Variants in GULP1 observed in about 807,000 individuals in gnomAD.
GULP1 encodes GULP PTB domain containing engulfment adaptor 1.
GULP1 carries 19 observed loss-of-function variants against 40.9 expected under a neutral mutation model. The ratio of observed to expected loss-of-function variants is 0.46; its 90% CI spans 0.32 to 0.68. The LOEUF (loss-of-function observed/expected upper bound fraction) is 0.68, where lower values mean the gene tolerates loss of function less well. Ranked by LOEUF, GULP1 falls within the 30% of genes least tolerant of loss-of-function variation. The pLI is 0.03. For missense variants in GULP1, 312 were observed against 362.2 expected (o/e 0.86, Z 1.12); for synonymous variants, 119 against 117.6 (o/e 1.01, Z -0.08).
intron 7 of GULP1, among the ~76,000 whole-genome samples, chr2:188,561,940 A>C (rs1696407461): frequency 6.6e-6 from 1 of 151,956 alleles, no homozygotes; most frequent in Non-Finnish European, 1.5e-5. Flanking sequence ...TCCCATTCTC[A>C]GTCTCAGTGG....
intron 4 of GULP1, among the ~76,000 whole-genome samples, chr2:188,485,373 G>A (rs936023938): frequency 2.6e-5 from 4 of 151,962 alleles, no homozygotes; most frequent in African/African-American, 9.7e-5. Flanking sequence ...TGGAAGGGCA[G>A]GATGATTTTG....
intron 4 of GULP1, among the ~76,000 whole-genome samples, chr2:188,518,687 C>G (rs2065430877): frequency 6.6e-6 from 1 of 152,108 alleles, no homozygotes; most frequent in Admixed American, 6.6e-5. Flanking sequence ...CCCAGGAGAA[C>G]TGAGCAGGCA....
At chr2:188,486,517 T>C (rs548615713) in intron 4 of GULP1, among the ~76,000 whole-genome samples, 1 of 152,126 alleles carries the variant, frequency 6.6e-6, no homozygotes, top group Admixed American at 6.5e-5. Context: ...TGGAGAAATA[T>C]GTAATAACAT....
At chr2:188,569,780 C>T in intron 8 of GULP1, 1 of 371,890 alleles carries the variant, frequency 2.7e-6, no homozygotes, top group Non-Finnish European at 4.8e-6. Context: ...CACAGTCCAA[C>T]AAGAAAACAC....
intron 2 of GULP1, among the ~76,000 whole-genome samples, chr2:188,392,910 A>G (rs1334001406): frequency 6.6e-6 from 1 of 151,908 alleles, no homozygotes; most frequent in Non-Finnish European, 1.5e-5. Context: ...GTTCCTTTTA[A>G]AGGTGATTTC....
intron 4 of GULP1, among the ~76,000 whole-genome samples, chr2:188,507,051 C>T (rs1173593935): frequency 1.3e-5 from 2 of 151,886 alleles, no homozygotes; most frequent in Non-Finnish European, 2.9e-5. Context: ...GCCAGACCAT[C>T]CACCCACTTT....
At chr2:188,293,313 T>G (rs1027403165) in intron 1 of GULP1, 15 of 152,262 alleles carry the variant, frequency 9.9e-5, no homozygotes, top group Admixed American at 8.5e-4. Flanking sequence ...CAAAGTGTAA[T>G]GCAGTCAATT....
chr2:188,306,268 GCCCTTAGGGTAGTCTAAAATTTAA>G (rs1353205711), intron 1 of GULP1, among the ~76,000 whole-genome samples: 1 of 152,016 alleles, frequency 6.6e-6, no homozygotes, highest in East Asian at 1.9e-4. Flanking sequence ...GAACATTTCA[GCCCTTAGGGTAGTCTAAAATTTAA>G]CTTTAAATAG....
intron 1 of GULP1, among the ~76,000 whole-genome samples, chr2:188,331,839 C>G (rs867983958): frequency 1.3e-5 from 2 of 152,094 alleles, no homozygotes; most frequent in Non-Finnish European, 2.9e-5. Context: ...TTACATATAA[C>G]TTTTATCATT....
At chr2:188,520,271 C>G (rs1034244772) in intron 4 of GULP1, among the ~76,000 whole-genome samples, 3 of 152,040 alleles carry the variant, frequency 2.0e-5, no homozygotes, top group Non-Finnish European at 4.4e-5. Flanking sequence ...GGCGTGGTGG[C>G]CCACACCTGT....
chr2:188,545,309 G>C (rs1034013723), intron 7 of GULP1, among the ~76,000 whole-genome samples: 1 of 151,674 alleles, frequency 6.6e-6, no homozygotes, highest in Admixed American at 6.6e-5. Flanking sequence ...AAAACAAGAT[G>C]AGCAAACATA....
intron 1 of GULP1, among the ~76,000 whole-genome samples, chr2:188,312,195 C>G (rs527711326): frequency 6.6e-6 from 1 of 151,308 alleles, no homozygotes; most frequent in African/African-American, 2.4e-5. Flanking sequence ...TTTAATTTCT[C>G]CTAAAAAAAA....
chr2:188,494,434 T>C (rs952966911), intron 4 of GULP1, among the ~76,000 whole-genome samples: 4 of 152,000 alleles, frequency 2.6e-5, no homozygotes, highest in African/African-American at 9.7e-5. Flanking sequence ...CTTATAGTAA[T>C]ATATATATTC....
chr2:188,501,396 G>A (rs186169074), intron 4 of GULP1, among the ~76,000 whole-genome samples: 11 of 152,060 alleles, frequency 7.2e-5, no homozygotes, highest in East Asian at 1.9e-4. Flanking sequence ...TTCCCATCAC[G>A]TGGAACTGTG....
At chr2:188,387,890 A>G (rs1306003964) in intron 2 of GULP1, among the ~76,000 whole-genome samples, 2 of 151,652 alleles carry the variant, frequency 1.3e-5, no homozygotes, top group African/African-American at 4.8e-5. Flanking sequence ...TTTTTTTGTT[A>G]TTATTATACT....
chr2:188,462,146 A>G (rs1234057874), intron 2 of GULP1, among the ~76,000 whole-genome samples: 2 of 152,110 alleles, frequency 1.3e-5, no homozygotes, highest in African/African-American at 2.4e-5. Context: ...ATTTGTTTCA[A>G]TAAATTTTTC....
chr2:188,471,854 T>C (rs958795663), intron 2 of GULP1, among the ~76,000 whole-genome samples: 17 of 152,198 alleles, frequency 1.1e-4, no homozygotes, highest in Admixed American at 7.9e-4. Flanking sequence ...TTCTTACCAT[T>C]ACCTGTGAGT....
At chr2:188,592,793 G>A (rs950489641) in intron 11 of GULP1, 5 of 152,036 alleles carry the variant, frequency 3.3e-5, no homozygotes, top group African/African-American at 4.8e-5. Flanking sequence ...TTGGAGAGAT[G>A]CAAAAAGATA....
chr2:188,403,950 A>G (rs2052679493), intron 2 of GULP1, among the ~76,000 whole-genome samples: 2 of 152,170 alleles, frequency 1.3e-5, no homozygotes, highest in African/African-American at 2.4e-5. Context: ...ATGATCTGGG[A>G]ACTCATTTCC....
Sources: allele counts gnomAD v4.1 joint callset (sites outside exome capture counted in the v4.1 genomes callset), GRCh38; gene constraint gnomAD v4.1.1; transcripts MANE v1.5; gene names NCBI Gene and HGNC (gene_info 2026-07-23, HGNC 2026-07-21).